Variants in USP34 observed in about 807,000 individuals in gnomAD.
The protein encoded by USP34 is ubiquitin carboxyl-terminal hydrolase 34.
Under a neutral mutation model 460.3 loss-of-function variants are expected in USP34, and 70 were observed. The ratio of observed to expected loss-of-function variants is 0.15; its 90% CI spans 0.13 to 0.19. The LOEUF (loss-of-function observed/expected upper bound fraction) is 0.19, where lower values mean the gene tolerates loss of function less well. Ranked by LOEUF, USP34 falls within the 10% of genes least tolerant of loss-of-function variation. The pLI, the probability that USP34 is intolerant of heterozygous loss-of-function variation, is 1.00. For missense variants in USP34, 3,985 were observed against 4,236.2 expected, an observed-to-expected ratio of 0.94 and a Z score of 1.65; for synonymous variants, 1,647 against 1,405.3, an observed-to-expected ratio of 1.17 and a Z score of -3.85.
intron 65 of USP34, chr2:61,221,874 G>GAC: frequency 3.5e-6 from 1 of 288,760 alleles, no homozygotes; most frequent in South Asian, 8.4e-5. Context: ...TCTCTAAATT[G>GAC]ACAAACACTG....
chr2:61,392,058 C>A (rs1312447919), intron 5 of USP34, among the ~76,000 whole-genome samples: 1 of 152,156 alleles, frequency 6.6e-6, no homozygotes, highest in Non-Finnish European at 1.5e-5. Flanking sequence ...CACCAATTAG[C>A]AGTCATAAAA....
rs1382204537 is a variant in USP34, at chr2:61,304,199, T to C, written c.3818-2745A>G. 2.0e-5 allele frequency among the ~76,000 whole-genome samples: 3 copies of C among 152,118 alleles called. No homozygotes were observed. In the East Asian group the frequency reaches 5.8e-4, roughly 29 times the overall value. On this transcript the variant is annotated intron_variant, in intron 27 of 79. Coordinates refer to ENST00000398571, the MANE Select transcript of USP34 (RefSeq NM_014709.4). ...GCATGAGCTACCACGCCTGGCAATA[T>C]TTTGGTAGATTTTTATTAAATGTCT...
At chr2:61,234,434 G>A (rs975667042) in intron 57 of USP34, among the ~76,000 whole-genome samples, 2 of 152,118 alleles carry the variant, frequency 1.3e-5, no homozygotes, top group Non-Finnish European at 2.9e-5. Context: ...CTTAAAATAG[G>A]GGATGGAGAG....
intron 8 of USP34, among the ~76,000 whole-genome samples, 179 bp downstream of exon 8, chr2:61,378,184 G>GA (rs1692851748): frequency 6.6e-6 from 1 of 152,064 alleles, no homozygotes; most frequent in Non-Finnish European, 1.5e-5. Flanking sequence ...AAAAAAAGAG[G>GA]GAGAGTGAGT....
chr2:61,236,455 T>C (rs934336810), intron 53 of USP34, 66 bp from the exon 54 acceptor site: 57 of 1,218,922 alleles, frequency 4.7e-5, no homozygotes, highest in Non-Finnish European at 5.4e-5. Flanking sequence ...CCAATATTTT[T>C]ATTAGACAAA....
chr2:61,362,730 C>T (rs1306691492), intron 10 of USP34, among the ~76,000 whole-genome samples: 2 of 152,126 alleles, frequency 1.3e-5, no homozygotes, highest in African/African-American at 4.8e-5. Context: ...AATGTGACTA[C>T]AGTTAACAAT....
chr2:61,197,947 G>C (rs1296269366), intron 75 of USP34, among the ~76,000 whole-genome samples: 1 of 152,156 alleles, frequency 6.6e-6, no homozygotes, highest in Non-Finnish European at 1.5e-5. Context: ...TTTTAATAGA[G>C]ACAAAGTTTC....
intron 18 of USP34, among the ~76,000 whole-genome samples, chr2:61,337,835 A>T (rs1316840870): frequency 2.0e-5 from 3 of 152,204 alleles, no homozygotes; most frequent in African/African-American, 7.2e-5. Context: ...TGTTAGGCAT[A>T]TACTTAGAAG....
chr2:61,345,606 C>T (rs1464740549), intron 15 of USP34, among the ~76,000 whole-genome samples: 1 of 152,198 alleles, frequency 6.6e-6, no homozygotes, highest in African/African-American at 2.4e-5. Flanking sequence ...AGGAAATCCT[C>T]ACAATAAAAC....
chr2:61,269,215 C>A (rs1003702840), intron 41 of USP34, among the ~76,000 whole-genome samples: 1 of 152,086 alleles, frequency 6.6e-6, no homozygotes, highest in Non-Finnish European at 1.5e-5. Context: ...AGGCTAGCGA[C>A]AGTGGTGGGA....
intron 8 of USP34, among the ~76,000 whole-genome samples, chr2:61,372,704 C>G (rs915538045): frequency 3.9e-5 from 6 of 152,160 alleles, no homozygotes; most frequent in Non-Finnish European, 7.3e-5. Context: ...GAGCAAGACA[C>G]TGTCTCAAAA....
Position 61,214,633 on chromosome 2 carries a change from T to C in USP34, c.8109A>G (p.Ser2703=), listed in dbSNP as rs779176287. The change falls in exon 68 of 80, where the codon TCA becomes TCG. Residue 2703 remains serine (S), a synonymous_variant. Transcript: ENST00000398571. The stretch of plus-strand genomic sequence containing the variant: ...GGGTTGGGATGTGCAAAGACCTTGT[T>C]GACCGGAACATCTGACGGAATGAAT... ...PSNSFRQMFR[S]TRSLHIPTRD... 1 of 1,614,220 alleles carries C rather than the reference T, an allele frequency of 6.2e-7. No homozygotes were observed. The highest frequency in any genetic ancestry group is 8.5e-7 in the Non-Finnish European group (1 of 1,180,034).
chr2:61,327,875 A>G (rs919227706), intron 20 of USP34, among the ~76,000 whole-genome samples: 22 of 152,218 alleles, frequency 1.4e-4, no homozygotes, highest in African/African-American at 4.8e-4. Context: ...TACAGGACAA[A>G]AACAGTCTCC....
intron 76 of USP34, among the ~76,000 whole-genome samples, 152 bp downstream of exon 76, chr2:61,192,739 CTAATATGTAA>C (rs1686679613): frequency 6.6e-6 from 1 of 152,146 alleles, no homozygotes; most frequent in Non-Finnish European, 1.5e-5. Flanking sequence ...AACTAGATGC[CTAATATGTAA>C]TAGCTAGTAT....
intron 1 of USP34, among the ~76,000 whole-genome samples, chr2:61,462,625 C>T (rs148224680): frequency 3.5e-4 from 53 of 151,498 alleles, no homozygotes; most frequent in African/African-American, 1.2e-3. Flanking sequence ...CTCTGGGAGG[C>T]TGAGGCAAGC....
chr2:61,325,276 T>TAA (rs369202857), intron 21 of USP34, 99 bp downstream of exon 21: 25,047 of 588,046 alleles, frequency 0.043, no homozygotes, highest in South Asian at 0.048. Context: ...TAAATTAAAC[T>TAA]AAAAAAAAAA....
intron 5 of USP34, among the ~76,000 whole-genome samples, chr2:61,393,478 T>C (rs188373520): frequency 4.2e-4 from 64 of 150,788 alleles, no homozygotes; most frequent in Admixed American, 9.9e-4. Flanking sequence ...GCTACACTAC[T>C]ACTATATGTA....
chr2:61,235,919 G>T lies in USP34; in HGVS notation c.6967-9C>A. 6.2e-7 allele frequency: 1 copy of T among 1,611,106 alleles called. No homozygotes were observed. The highest frequency in any genetic ancestry group is 8.5e-7 in the Non-Finnish European group (1 of 1,179,288). Reference sequence around the variant, plus strand: ...CACTGAAGCATCGTGGGCTAGAAAAGAAAAGTCAGTCAAAGCATATGAACT... The same window carrying T: ...CACTGAAGCATCGTGGGCTAGAAAATAAAAGTCAGTCAAAGCATATGAACT... On this transcript the variant is annotated splice_polypyrimidine_tract_variant and intron_variant, in intron 56 of 79. Coordinates refer to ENST00000398571, the MANE Select transcript of USP34 (RefSeq NM_014709.4).
At chr2:61,314,767 CAT>C (rs753207050) in intron 24 of USP34, 23 bp from the exon 25 acceptor site, 1 of 1,575,840 alleles carries the variant, frequency 6.3e-7, no homozygotes, top group Non-Finnish European at 8.6e-7. Flanking sequence ...TGTTTAGACA[CAT>C]ATATTAGCCT....
Sources: gnomAD v4.1 joint callset for allele counts (sites outside exome capture counted in the v4.1 genomes callset) on GRCh38, gnomAD v4.1.1 for gene constraint, MANE v1.5 for transcripts, NCBI Gene and HGNC (gene_info 2026-07-23, HGNC 2026-07-21) for gene names.